Variants in LSM1 observed in about 807,000 individuals in gnomAD.
LSM1 encodes U6 snRNA-associated Sm-like protein LSm1.
Under a neutral mutation model 18.0 loss-of-function variants are expected in LSM1, and 13 were observed. That is an observed-to-expected ratio of 0.72 (90% CI 0.47 to 1.15). The LOEUF is 1.15. Ranked by LOEUF, LSM1 falls within the 50% of genes most tolerant of loss-of-function variation. The pLI is 0.00. For synonymous variants in LSM1, 46 were observed against 56.0 expected (o/e 0.82, Z 0.80); for missense variants, 152 against 157.7 (o/e 0.96, Z 0.19).
At chr8:38,174,736 C>G (rs1803088956) in intron 1 of LSM1, among the ~76,000 whole-genome samples, 1 of 152,060 alleles carries the variant, frequency 6.6e-6, no homozygotes, top group South Asian at 2.1e-4. Flanking sequence ...AAAAAATGAT[C>G]TGTCGGCCGG....
At chr8:38,167,661 T>C (rs1802958126) in intron 3 of LSM1, among the ~76,000 whole-genome samples, 2 of 152,144 alleles carry the variant, frequency 1.3e-5, no homozygotes, top group Non-Finnish European at 2.9e-5. Flanking sequence ...TTAAGTTTTT[T>C]CCTCTGATAC....
intron 1 of LSM1, among the ~76,000 whole-genome samples, chr8:38,173,460 A>G (rs1026904373): frequency 3.3e-5 from 5 of 152,132 alleles, no homozygotes; most frequent in African/African-American, 1.2e-4. Flanking sequence ...GAGGGTGTGA[A>G]GGGAAAGAAC....
chr8:38,173,015 G>A (rs1803056580), intron 1 of LSM1, among the ~76,000 whole-genome samples: 1 of 152,150 alleles, frequency 6.6e-6, no homozygotes, highest in Non-Finnish European at 1.5e-5. Context: ...AAACTAGCAA[G>A]GCAGTATGAT....
intron 3 of LSM1, among the ~76,000 whole-genome samples, chr8:38,167,203 A>G (rs561189826): frequency 6.6e-6 from 1 of 152,338 alleles, no homozygotes; most frequent in East Asian, 1.9e-4. Context: ...GGATCCAAGG[A>G]AACAATTAAA....
chr8:38,163,484 A>G lies in LSM1; in HGVS notation c.*186T>C. 1 of 532,710 alleles carries G rather than the reference A, an allele frequency of 1.9e-6. No homozygotes were observed. The highest frequency in any genetic ancestry group is 3.3e-6 in the Non-Finnish European group (1 of 302,806). The allele number at this position is 532,710 out of a possible 1,614,324, so 33.0% of individuals were successfully genotyped here. Reference sequence around the variant, plus strand: ...TATGCCACTGTTTCTTTAAACAGTGATTTTGTTATTAAAAAAAAAACCCAC... The same window carrying G: ...TATGCCACTGTTTCTTTAAACAGTGGTTTTGTTATTAAAAAAAAAACCCAC... On this transcript the variant is annotated 3_prime_UTR_variant, in exon 4 of 4. Transcript: ENST00000311351.
Position 38,163,444 on chromosome 8 carries a change from A to G in LSM1, c.*226T>C, listed in dbSNP as rs1240814185. On this transcript the variant is annotated 3_prime_UTR_variant, in exon 4 of 4. Coordinates refer to ENST00000311351, the MANE Select transcript of LSM1 (RefSeq NM_014462.3). ...AGAAGTAGTTGCTGGTGCCACAGTG[A>G]TGTGTGAAGGAGTCTATGCCACTGT... The G allele has an allele frequency of 4.7e-6, 2 of 426,168 alleles. No individual in the cohort carries two copies. Among genetic ancestry groups the G allele is most frequent in the East Asian group, 3.5e-5 (1 of 28,388 alleles). 26.4% of individuals were successfully genotyped at this position (426,168 alleles called of 1,614,324 possible). A position where few individuals can be genotyped will look rare whatever the true frequency, so the allele number is the denominator to read the frequency against.
intron 1 of LSM1, among the ~76,000 whole-genome samples, chr8:38,175,190 C>T (rs1803107268): frequency 6.6e-6 from 1 of 150,462 alleles, no homozygotes; most frequent in Admixed American, 6.6e-5. Flanking sequence ...AAGCGATTCT[C>T]CCGCCTCAGC....
At chr8:38,171,863 C>T (rs1301457573) in intron 2 of LSM1, 102 bp downstream of exon 2, 16 of 823,722 alleles carry the variant, frequency 1.9e-5, no homozygotes, top group Admixed American at 6.8e-5. Context: ...AGGTCACACA[C>T]GTGAAAAAGT....
chr8:38,166,379 A>G (rs985688720), intron 3 of LSM1, among the ~76,000 whole-genome samples: 2 of 152,322 alleles, frequency 1.3e-5, no homozygotes, highest in African/African-American at 4.8e-5. Flanking sequence ...TTGGCCTCCC[A>G]AAGTGTGAGC....
upstream of LSM1, chr8:38,176,500 A>T: frequency 1.7e-6 from 1 of 588,154 alleles, no homozygotes; most frequent in South Asian, 2.2e-5. Context: ...TATTACCCTT[A>T]CCCACTTCCT....
chr8:38,173,351 C>T lies in LSM1; in HGVS notation c.47-1318G>A, dbSNP rs569291243. ...CCTTAAAAGGTAGATAATTTTAGGG[C>T]ACAAGAAGAGTGATAGGAAGGGGGC... On this transcript the variant is annotated intron_variant, in intron 1 of 3. Transcript: ENST00000311351. Among the ~76,000 whole-genome samples, 10 of 139,634 alleles carry T rather than the reference C, an allele frequency of 7.2e-5. 1 individual carries two copies. In the South Asian group the frequency reaches 2.3e-3, roughly 31 times the overall value. The allele number at this position is 139,634 out of a possible 152,430, so 91.6% of individuals were successfully genotyped here.
At chr8:38,175,461 T>C (rs1803116544) in intron 1 of LSM1, among the ~76,000 whole-genome samples, 1 of 152,168 alleles carries the variant, frequency 6.6e-6, no homozygotes, top group African/African-American at 2.4e-5. Context: ...GTAAATCATC[T>C]TGAAACAAGT....
Position 38,167,657 on chromosome 8 carries a change from T to G in LSM1, c.231+2145A>C, listed in dbSNP as rs2843744. Among the ~76,000 whole-genome samples, 256 of 152,014 alleles carry G rather than the reference T, an allele frequency of 1.7e-3. 1 individual carries two copies. Among genetic ancestry groups the G allele is most frequent in the Middle Eastern group, 3.4e-3 (1 of 292 alleles). On this transcript the variant is annotated intron_variant, in intron 3 of 3. Coordinates refer to ENST00000311351, the MANE Select transcript of LSM1 (RefSeq NM_014462.3). ...CCCACCCCAGTATTTTAACTTAAGT[T>G]TTTTCCTCTGATACGTTGCCTCTTC... is the stretch of plus-strand genomic sequence containing the variant.
At chr8:38,172,496 A>G (rs919667043) in intron 1 of LSM1, among the ~76,000 whole-genome samples, 3 of 151,720 alleles carry the variant, frequency 2.0e-5, no homozygotes, top group Admixed American at 6.6e-5. Flanking sequence ...TAATTTTCAT[A>G]TTTTTAGTAG....
intron 1 of LSM1, among the ~76,000 whole-genome samples, chr8:38,172,913 A>G (rs919779422): frequency 2.0e-5 from 3 of 152,258 alleles, no homozygotes; most frequent in Non-Finnish European, 4.4e-5. Context: ...AATGAGACTT[A>G]GAAAGTCACC....
At chr8:38,171,598 C>T (rs1402735057) in intron 2 of LSM1, among the ~76,000 whole-genome samples, 2 of 152,188 alleles carry the variant, frequency 1.3e-5, no homozygotes, top group South Asian at 2.1e-4. Flanking sequence ...ACCCAAGAGG[C>T]GGAGGTTGCA....
intron 3 of LSM1, among the ~76,000 whole-genome samples, chr8:38,165,077 G>A (rs1448797393): frequency 1.3e-5 from 2 of 152,052 alleles, no homozygotes; most frequent in African/African-American, 4.8e-5. Flanking sequence ...GGTTGGGCAT[G>A]GTGGCTCACG....
At position 38,163,789 on chromosome 8, in the gene LSM1, T is replaced by C. The variant is rs1352913629; in HGVS notation, c.283A>G (p.Ile95Val). Residue 95 changes from isoleucine to valine, a missense_variant, in exon 4 of 4, where the codon ATT (isoleucine) becomes GTT (valine). Coordinates refer to ENST00000311351, the MANE Select transcript of LSM1 (RefSeq NM_014462.3). The stretch of plus-strand genomic sequence containing the variant: ...TGTTCCACCCTTTGTTCTTCTAGAA[T>C]TTCTTCAATGGATACTTGCTGGAGG... Reference protein sequence around the residue: ...TPLQQVSIEEILEEQRVEQQT... With the variant: ...TPLQQVSIEEVLEEQRVEQQT... 1 of 1,614,220 alleles carries C rather than the reference T, an allele frequency of 6.2e-7. No individual in the cohort carries two copies. The highest frequency in any genetic ancestry group is 8.5e-7 in the Non-Finnish European group (1 of 1,180,040).
At position 38,176,372 on chromosome 8, in the gene LSM1, A is replaced by G; in HGVS notation, c.-52T>C. On this transcript the variant is annotated 5_prime_UTR_variant, in exon 1 of 4. Coordinates refer to ENST00000311351, the MANE Select transcript of LSM1 (RefSeq NM_014462.3). The stretch of plus-strand genomic sequence containing the variant: ...ACAGCGGCGGGAGGCCAGCGCGTCC[A>G]AAACCTCTTCCCTCCTACCGCAGTC... 1 of 1,484,478 alleles carries G rather than the reference A, an allele frequency of 6.7e-7. No individual in the cohort carries two copies. The highest frequency in any genetic ancestry group is 9.3e-7 in the Non-Finnish European group (1 of 1,072,422). The allele number at this position is 1,484,478 out of a possible 1,614,324, so 92.0% of individuals were successfully genotyped here.
Sources: allele counts gnomAD v4.1 joint callset (sites outside exome capture counted in the v4.1 genomes callset), GRCh38; gene constraint gnomAD v4.1.1; transcripts MANE v1.5; gene names NCBI Gene and HGNC (gene_info 2026-07-23, HGNC 2026-07-21).